The following LDB2 variants were observed in gnomAD, a reference collection of about 807,000 sequenced individuals.
LDB2 encodes LIM domain-binding protein 2.
In LDB2, 12 loss-of-function variants were observed where a neutral mutation model predicts 44.3. The ratio of observed to expected loss-of-function variants is 0.27; its 90% CI spans 0.17 to 0.44. LDB2 has a LOEUF of 0.44. LDB2 is among the 20% of genes least tolerant of loss of function. The pLI is 1.00. For synonymous variants in LDB2, 164 were observed against 174.8 expected, an observed-to-expected ratio of 0.94 and a Z score of 0.49; for missense variants, 344 against 473.5, an observed-to-expected ratio of 0.73 and a Z score of 2.54.
chr4:16,541,037 G>A (rs1023200349), intron 5 of LDB2, among the ~76,000 whole-genome samples: 3 of 152,172 alleles, frequency 2.0e-5, no homozygotes, highest in Admixed American at 6.5e-5. Context: ...CTTTAACATT[G>A]TGCTTATTGT....
chr4:16,714,720 G>A (rs1160784383), intron 2 of LDB2, among the ~76,000 whole-genome samples: 1 of 152,138 alleles, frequency 6.6e-6, no homozygotes, highest in African/African-American at 2.4e-5. Context: ...AGTTCTGAGA[G>A]AGCATCTGTT....
chr4:16,698,642 T>C (rs1752735886), intron 2 of LDB2, among the ~76,000 whole-genome samples: 1 of 152,244 alleles, frequency 6.6e-6, no homozygotes. Flanking sequence ...CTTTGTAAAT[T>C]AAGAAAATTT....
At chr4:16,866,356 A>G (rs555726384) in intron 1 of LDB2, among the ~76,000 whole-genome samples, 1 of 152,398 alleles carries the variant, frequency 6.6e-6, no homozygotes, top group Non-Finnish European at 1.5e-5. Context: ...TTTTCAAAAT[A>G]TAAAATGCTA....
intron 2 of LDB2, among the ~76,000 whole-genome samples, chr4:16,685,237 T>A (rs1458095145): frequency 6.6e-6 from 1 of 152,108 alleles, no homozygotes; most frequent in African/African-American, 2.4e-5. Context: ...GGAGACCAGG[T>A]TCTAATTTTG....
intron 1 of LDB2, among the ~76,000 whole-genome samples, chr4:16,765,876 ACG>A (rs1246194016): frequency 1.1e-4 from 16 of 152,334 alleles, no homozygotes; most frequent in Non-Finnish European, 2.2e-4. Context: ...CTACACTGCC[ACG>A]CTTTTGAGCC....
intron 7 of LDB2, among the ~76,000 whole-genome samples, chr4:16,508,086 A>AAAAT (rs1202204962): frequency 1.4e-5 from 2 of 145,824 alleles, no homozygotes; most frequent in East Asian, 4.1e-4. Flanking sequence ...CCTGAGTCTT[A>AAAAT]AAATAAGAGG....
chr4:16,518,527 G>A (rs1724747404), intron 5 of LDB2, among the ~76,000 whole-genome samples: 1 of 150,928 alleles, frequency 6.6e-6, no homozygotes, highest in Admixed American at 6.6e-5. Context: ...CTCTTTCTCA[G>A]TCATCTTAAC....
At chr4:16,611,891 C>A (rs1395473175) in intron 2 of LDB2, among the ~76,000 whole-genome samples, 1 of 152,126 alleles carries the variant, frequency 6.6e-6, no homozygotes, top group Non-Finnish European at 1.5e-5. Context: ...AACTCTCTAC[C>A]CTAAATCAAT....
At chr4:16,861,732 C>T (rs1286587405) in intron 1 of LDB2, among the ~76,000 whole-genome samples, 1 of 152,200 alleles carries the variant, frequency 6.6e-6, no homozygotes, top group African/African-American at 2.4e-5. Context: ...CAGCTAGGTC[C>T]TGCTGCCCTA....
At chr4:16,686,412 T>A (rs757718828) in intron 2 of LDB2, among the ~76,000 whole-genome samples, 8 of 152,234 alleles carry the variant, frequency 5.3e-5, no homozygotes, top group Non-Finnish European at 1.0e-4. Context: ...GAGGTTCCAA[T>A]GGCTTAAGCA....
At chr4:16,644,407 T>G (rs1048858180) in intron 2 of LDB2, among the ~76,000 whole-genome samples, 1 of 152,074 alleles carries the variant, frequency 6.6e-6, no homozygotes, top group Non-Finnish European at 1.5e-5. Flanking sequence ...ATTAGGTATT[T>G]CACATGAACC....
chr4:16,567,705 G>A (rs939385809), intron 5 of LDB2, among the ~76,000 whole-genome samples: 37 of 152,182 alleles, frequency 2.4e-4, no homozygotes, highest in Admixed American at 5.9e-4. Flanking sequence ...GGGAGGCGAA[G>A]CTTGCAGTGA....
intron 2 of LDB2, among the ~76,000 whole-genome samples, chr4:16,706,484 A>C (rs1282696039): frequency 2.6e-5 from 4 of 152,236 alleles, no homozygotes; most frequent in East Asian, 3.8e-4. Context: ...GAACTGCGAG[A>C]AATAAATGTC....
At chr4:16,762,815 C>A (rs1053587832) in intron 1 of LDB2, among the ~76,000 whole-genome samples, 1 of 152,118 alleles carries the variant, frequency 6.6e-6, no homozygotes, top group Non-Finnish European at 1.5e-5. Context: ...AATAGAAATG[C>A]TGGCTGATCT....
chr4:16,858,609 C>T (rs1454871453), intron 1 of LDB2, among the ~76,000 whole-genome samples: 1 of 152,182 alleles, frequency 6.6e-6, no homozygotes, highest in Non-Finnish European at 1.5e-5. Context: ...ACCCGGTCCT[C>T]GACTTTATCA....
chr4:16,514,045 A>G (rs1407962253), intron 5 of LDB2, among the ~76,000 whole-genome samples: 4 of 152,232 alleles, frequency 2.6e-5, no homozygotes, highest in Admixed American at 6.5e-5. Flanking sequence ...ACGGAGAGAC[A>G]AAGAAGAATC....
At position 16,821,927 on chromosome 4, in the gene LDB2, G is replaced by A. The variant is rs545688016; in HGVS notation, c.133-62667C>T. On this transcript the variant is annotated intron_variant, in intron 1 of 7. Transcript: ENST00000304523. Reference sequence around the variant, plus strand: ...CATCTCAGTTTAGAGGTTTTGAACAGTTTTCTTTTTCTGGAATGTTCACAC... The same window carrying A: ...CATCTCAGTTTAGAGGTTTTGAACAATTTTCTTTTTCTGGAATGTTCACAC... 3.9e-5 allele frequency among the ~76,000 whole-genome samples: 6 copies of A among 152,110 alleles called. No individual in the cohort carries two copies. In the South Asian group the frequency reaches 1.2e-3, roughly 32 times the overall value.
intron 1 of LDB2, among the ~76,000 whole-genome samples, chr4:16,842,988 T>C (rs1786183582): frequency 6.6e-6 from 1 of 152,180 alleles, no homozygotes; most frequent in Non-Finnish European, 1.5e-5. Context: ...AAAGAAAATA[T>C]TGCAAAGAGC....
chr4:16,880,089 C>G (rs1719615212), intron 1 of LDB2, among the ~76,000 whole-genome samples: 1 of 152,146 alleles, frequency 6.6e-6, no homozygotes, highest in South Asian at 2.1e-4. Context: ...AAATCCAAAT[C>G]CTACAATCCC....
Sources: gnomAD v4.1 joint callset for allele counts (sites outside exome capture counted in the v4.1 genomes callset) on GRCh38, gnomAD v4.1.1 for gene constraint, MANE v1.5 for transcripts, NCBI Gene and HGNC (gene_info 2026-07-23, HGNC 2026-07-21) for gene names.